The following ZNF804B variants were observed in gnomAD, a reference collection of about 807,000 sequenced individuals.
ZNF804B encodes the protein zinc finger 804B.
In ZNF804B, 80 loss-of-function variants were observed where a neutral mutation model predicts 101.4. The ratio of observed to expected loss-of-function variants is 0.79; its 90% confidence interval spans 0.66 to 0.95. ZNF804B has a LOEUF of 0.95. Ranked by LOEUF, ZNF804B falls within the 40% of genes least tolerant of loss-of-function variation. The pLI is 0.00. For synonymous variants in ZNF804B, 622 were observed against 558.8 expected, an observed-to-expected ratio of 1.11 and a Z score of -1.59; for missense variants, 1,673 against 1,561.9, an observed-to-expected ratio of 1.07 and a Z score of -1.20.
chr7:89,093,916 T>G (rs1789932658), intron 1 of ZNF804B, among the ~76,000 whole-genome samples: 1 of 152,234 alleles, frequency 6.6e-6, no homozygotes, highest in Non-Finnish European at 1.5e-5. Flanking sequence ...CTCAAATTGT[T>G]GTGGGATAGC....
At chr7:89,327,260 A>C in intron 2 of ZNF804B, 84 bp from the exon 3 acceptor site, 1 of 1,344,460 alleles carries the variant, frequency 7.4e-7, no homozygotes, top group Non-Finnish European at 9.9e-7. Context: ...TGCACTTAGG[A>C]TAAAGAATAA....
At chr7:89,050,842 C>A (rs1224853433) in intron 1 of ZNF804B, among the ~76,000 whole-genome samples, 2 of 152,050 alleles carry the variant, frequency 1.3e-5, no homozygotes, top group Non-Finnish European at 2.9e-5. Flanking sequence ...ACCTTTCTGT[C>A]ATAACAACTT....
At chr7:88,832,858 T>A (rs546740883) in intron 1 of ZNF804B, among the ~76,000 whole-genome samples, 187 of 151,984 alleles carry the variant, frequency 1.2e-3, no homozygotes, top group Non-Finnish European at 1.5e-3. Context: ...CATAATAATG[T>A]CCTTAGGAAC....
chr7:88,996,025 A>G (rs1449163620), intron 1 of ZNF804B, among the ~76,000 whole-genome samples: 1 of 152,080 alleles, frequency 6.6e-6, no homozygotes, highest in Non-Finnish European at 1.5e-5. Flanking sequence ...GCAGCTAAAC[A>G]TAGTGTGGCA....
intron 1 of ZNF804B, among the ~76,000 whole-genome samples, chr7:89,205,942 A>G (rs911615993): frequency 4.7e-4 from 71 of 152,306 alleles, no homozygotes; most frequent in African/African-American, 1.7e-3. Flanking sequence ...ACCTGGACAT[A>G]CAGGCATTTC....
intron 1 of ZNF804B, among the ~76,000 whole-genome samples, chr7:88,768,331 G>A (rs1163112156): frequency 2.6e-5 from 4 of 152,102 alleles, no homozygotes; most frequent in Admixed American, 2.6e-4. Context: ...CAGAAAATTG[G>A]GGCTAGCTCT....
intron 2 of ZNF804B, among the ~76,000 whole-genome samples, chr7:89,232,255 C>T (rs1347100957): frequency 6.6e-6 from 1 of 152,040 alleles, no homozygotes; most frequent in African/African-American, 2.4e-5. Context: ...GATATTAATT[C>T]AACCTTGCAT....
intron 1 of ZNF804B, among the ~76,000 whole-genome samples, chr7:89,177,117 A>G (rs1490323363): frequency 6.6e-6 from 1 of 151,854 alleles, no homozygotes; most frequent in East Asian, 1.9e-4. Context: ...TTTTGTTCGA[A>G]TTTATTTCTG....
chr7:89,211,194 G>GT (rs1470603224), intron 1 of ZNF804B, among the ~76,000 whole-genome samples: 2 of 151,982 alleles, frequency 1.3e-5, no homozygotes, highest in Non-Finnish European at 2.9e-5. Context: ...AGGGTTGTTT[G>GT]TTTTTTTCTT....
At chr7:89,153,843 C>G (rs1053142679) in intron 1 of ZNF804B, among the ~76,000 whole-genome samples, 4 of 152,148 alleles carry the variant, frequency 2.6e-5, no homozygotes, top group Admixed American at 2.6e-4. Flanking sequence ...TTTCATTTCT[C>G]TAGGCACTTG....
intron 2 of ZNF804B, among the ~76,000 whole-genome samples, chr7:89,261,652 C>T (rs957713776): frequency 1.3e-5 from 2 of 152,216 alleles, no homozygotes; most frequent in African/African-American, 2.4e-5. Context: ...CACACCTAAT[C>T]TATATGGTAT....
At chr7:88,815,536 T>C (rs1417245801) in intron 1 of ZNF804B, among the ~76,000 whole-genome samples, 1 of 151,930 alleles carries the variant, frequency 6.6e-6, no homozygotes, top group Non-Finnish European at 1.5e-5. Flanking sequence ...AATCTCACAT[T>C]GTTGCTGTTC....
At chr7:88,809,307 CTATCTATCT>C (rs1790741103) in intron 1 of ZNF804B, among the ~76,000 whole-genome samples, 1 of 468 alleles carries the variant, frequency 2.1e-3, no homozygotes, top group South Asian at 0.042. Flanking sequence ...TGCTTGTCAT[CTATCTATCT>C]ATCTATCTAT....
intron 2 of ZNF804B, among the ~76,000 whole-genome samples, chr7:89,317,411 G>A (rs1191177509): frequency 6.6e-6 from 1 of 152,186 alleles, no homozygotes; most frequent in Non-Finnish European, 1.5e-5. Flanking sequence ...CTGGGGTGTA[G>A]GTGCAGGGTG....
intron 1 of ZNF804B, among the ~76,000 whole-genome samples, chr7:88,877,049 ATTTTTTT>A (rs869097226): frequency 1.5e-3 from 21 of 13,888 alleles, no homozygotes; most frequent in East Asian, 4.9e-3. Flanking sequence ...ATATATATAT[ATTTTTTT>A]TTTTTTTTTT....
At chr7:89,044,804 A>C (rs1789076252) in intron 1 of ZNF804B, among the ~76,000 whole-genome samples, 1 of 152,206 alleles carries the variant, frequency 6.6e-6, no homozygotes, top group African/African-American at 2.4e-5. Flanking sequence ...AGAGAATAAA[A>C]GTTTGGAAAA....
At chr7:88,825,900 A>C (rs1410895086) in intron 1 of ZNF804B, among the ~76,000 whole-genome samples, 2 of 152,074 alleles carry the variant, frequency 1.3e-5, no homozygotes, top group African/African-American at 4.8e-5. Flanking sequence ...GCCTCCTCTA[A>C]GATGGTGAAA....
intron 1 of ZNF804B, among the ~76,000 whole-genome samples, chr7:88,775,092 C>T (rs990886939): frequency 1.1e-4 from 16 of 152,162 alleles, no homozygotes; most frequent in African/African-American, 3.6e-4. Flanking sequence ...AGGCAACAAA[C>T]AGATTTTTAT....
At position 88,858,958 on chromosome 7, in the gene ZNF804B, TGAG is replaced by T. The variant is rs891759285; in HGVS notation, c.108+98879_108+98881del. Among the ~76,000 whole-genome samples, 29 of 152,130 alleles carry T rather than the reference TGAG, an allele frequency of 1.9e-4. 1 individual carries two copies. The highest frequency in any genetic ancestry group is 6.8e-4 in the African/African-American group (28 of 41,440). Reference sequence around the variant, plus strand: ...ACAGCTTGAGATGGAAGATTATTAATGAGGAGGCTTATGAACATTCCCTGAATG... The same window carrying T: ...ACAGCTTGAGATGGAAGATTATTAATGAGGCTTATGAACATTCCCTGAATG... On this transcript the variant is annotated intron_variant, in intron 1 of 3. Coordinates refer to ENST00000333190, the MANE Select transcript of ZNF804B (RefSeq NM_181646.5).
Sources: allele counts gnomAD v4.1 joint callset (sites outside exome capture counted in the v4.1 genomes callset), GRCh38; gene constraint gnomAD v4.1.1; transcripts MANE v1.5; gene names NCBI Gene and HGNC (gene_info 2026-07-23, HGNC 2026-07-21).